The following NUCB1 variants were observed in gnomAD, a reference collection of about 807,000 sequenced individuals.
NUCB1 encodes nucleobindin-1.
In NUCB1, 47 loss-of-function variants were observed where a neutral mutation model predicts 61.2. The observed-to-expected ratio is 0.77, with a 90% CI of 0.61 to 0.98. NUCB1 has a LOEUF of 0.98. Among genes scored for constraint, NUCB1 ranks in the 50% least tolerant of loss-of-function variants. The pLI, the probability that NUCB1 is intolerant of heterozygous loss-of-function variation, is 0.00. For missense variants in NUCB1, 583 were observed against 605.3 expected (o/e 0.96, Z 0.39); for synonymous variants, 234 against 243.1 (o/e 0.96, Z 0.35).
Position 48,919,097 on chromosome 19 carries a change from G to A in NUCB1, c.884G>A (p.Arg295His). The A allele has an allele frequency of 6.2e-7, 1 of 1,614,146 alleles. No homozygotes were observed. The highest frequency in any genetic ancestry group is 8.5e-7 in the Non-Finnish European group (1 of 1,180,004). The change falls in exon 9 of 13, where the codon CGC (arginine) becomes CAC (histidine). Residue 295 changes from arginine (R) to histidine (H), a missense_variant. Coordinates refer to ENST00000405315, the MANE Select transcript of NUCB1 (RefSeq NM_006184.6). ...DMREMEEERL[R>H]MREHVMKNVD... ...CGGGAGATGGAGGAGGAGCGACTGC[G>A]CATGCGGGAGCATGTGATGAAGAAT... is the stretch of plus-strand genomic sequence containing the variant.
intron 10 of NUCB1, 24 bp downstream of exon 10, chr19:48,919,310 G>T: frequency 6.4e-7 from 1 of 1,561,228 alleles, no homozygotes; most frequent in Middle Eastern, 1.7e-4. Flanking sequence ...GGATACTCGG[G>T]GTCCTGAACC....
chr19:48,913,215 C>T lies in NUCB1; in HGVS notation c.666+19C>T, dbSNP rs45594137. 2.4e-3 allele frequency: 3,850 copies of T among 1,592,702 alleles called. 14 individuals are homozygous for T. Among genetic ancestry groups the T allele is most frequent in the Middle Eastern group, 6.7e-3 (40 of 5,938 alleles). On this transcript the variant is annotated intron_variant, in intron 6 of 12. Transcript: ENST00000405315. ...CGTGCCTGTGAGGACCCCATTTGTG[C>T]CCATCCACTCCCTACCACATCCAGT... is the stretch of plus-strand genomic sequence containing the variant.
intron 2 of NUCB1, chr19:48,901,240 T>A (rs1175786235): frequency 4.0e-6 from 2 of 505,612 alleles, no homozygotes; most frequent in Non-Finnish European, 3.6e-6. Flanking sequence ...ACCATGTTGC[T>A]AGTTCCCAGT....
intron 6 of NUCB1, 64 bp from the exon 7 acceptor site, chr19:48,913,410 A>G (rs2037502007): frequency 7.0e-7 from 1 of 1,423,972 alleles, no homozygotes; most frequent in Non-Finnish European, 9.9e-7. Context: ...GTAAAGGGAT[A>G]TTTGGTTTTA....
intron 8 of NUCB1, 104 bp from the exon 9 acceptor site, chr19:48,918,926 C>T: frequency 7.3e-7 from 1 of 1,369,278 alleles, no homozygotes; most frequent in Non-Finnish European, 1.0e-6. Context: ...AAAACGGCTC[C>T]CAGGAGTGGT....
intron 7 of NUCB1, among the ~76,000 whole-genome samples, chr19:48,916,385 A>T (rs2037540290): frequency 6.6e-6 from 1 of 152,092 alleles, no homozygotes. Context: ...TGGGAGGCCG[A>T]GGTGGGTGGA....
At chr19:48,920,882 C>T (rs1283676045) in intron 10 of NUCB1, among the ~76,000 whole-genome samples, 1 of 151,390 alleles carries the variant, frequency 6.6e-6, no homozygotes, top group Non-Finnish European at 1.5e-5. Flanking sequence ...GGTCTCGCTC[C>T]GTTGCCCAGG....
At chr19:48,916,646 A>G (rs71352710) in intron 7 of NUCB1, among the ~76,000 whole-genome samples, 30,773 of 149,894 alleles carry the variant, frequency 0.21, 3,400 homozygotes, top group East Asian at 0.49. Context: ...GGCTGGGCTC[A>G]GTGGCTCACG....
chr19:48,914,685 G>A (rs938841143), intron 7 of NUCB1, among the ~76,000 whole-genome samples: 12 of 152,130 alleles, frequency 7.9e-5, no homozygotes, highest in African/African-American at 2.9e-4. Context: ...AGTGGCTCAT[G>A]TCTGTAATCC....
chr19:48,921,126 C>T (rs746036689), intron 10 of NUCB1, 28 bp from the exon 11 acceptor site: 1 of 1,580,534 alleles, frequency 6.3e-7, no homozygotes, highest in South Asian at 1.1e-5. Context: ...GACCTGTGCC[C>T]CTGATGGCCC....
At chr19:48,913,227 C>T in intron 6 of NUCB1, 31 bp downstream of exon 6, 1 of 1,574,594 alleles carries the variant, frequency 6.4e-7, no homozygotes, top group Non-Finnish European at 8.6e-7. Context: ...CATCCACTCC[C>T]TACCACATCC....
At chr19:48,902,816 G>C (rs1040309753) in intron 2 of NUCB1, among the ~76,000 whole-genome samples, 1 of 152,044 alleles carries the variant, frequency 6.6e-6, no homozygotes, top group African/African-American at 2.4e-5. Flanking sequence ...GGAGAAAGCA[G>C]AGCAAGTTGA....
chr19:48,915,438 G>C (rs2037528703), intron 7 of NUCB1, among the ~76,000 whole-genome samples: 1 of 152,124 alleles, frequency 6.6e-6, no homozygotes, highest in Non-Finnish European at 1.5e-5. Context: ...GCGGAAGGCG[G>C]GGGTTGCAAT....
rs1600071499 is a variant in NUCB1, at chr19:48,922,527, G to A, written c.*103G>A. The A allele has an allele frequency of 3.3e-6, 3 of 913,492 alleles. No homozygotes were observed. Among genetic ancestry groups the A allele is most frequent in the African/African-American group, 3.3e-5 (2 of 61,172 alleles). The allele number at this position is 913,492 out of a possible 1,614,324, so 56.6% of individuals were successfully genotyped here. On this transcript the variant is annotated 3_prime_UTR_variant, in exon 13 of 13. Transcript: ENST00000405315. ...CTTCCCTGGGGGCTGGTGTCATGTT[G>A]GGCTCCTGGGGCGGGGGCACGGCCT...
rs779547948 is a variant in NUCB1, at chr19:48,919,239, G to A, written c.955G>A (p.Ala319Thr). Reference sequence around the variant, plus strand: ...CCTCGTGACCCTGGAGGAGTTCCTCGCATCCACTCAGAGGAAGGAGTTTGG... The same window carrying A: ...CCTCGTGACCCTGGAGGAGTTCCTCACATCCACTCAGAGGAAGGAGTTTGG... ...DRLVTLEEFL[A>T]STQRKEFGDT... The change falls in exon 10 of 13, where the codon GCA becomes ACA. Residue 319 changes from alanine (A) to threonine (T), a missense_variant. Ala to Thr is a moderately conservative substitution (Grantham distance 58). Transcript: ENST00000405315. 3.5e-5 allele frequency: 57 copies of A among 1,613,748 alleles called. 1 individual carries two copies. Among genetic ancestry groups the A allele is most frequent in the South Asian group, 3.4e-4 (31 of 91,076 alleles).
intron 4 of NUCB1, among the ~76,000 whole-genome samples, chr19:48,909,754 C>A (rs2037451990): frequency 6.6e-6 from 1 of 151,950 alleles, no homozygotes; most frequent in South Asian, 2.1e-4. Flanking sequence ...GTTGCCCACG[C>A]TGGTCTCGAA....
rs1166228266 is a variant in NUCB1, at chr19:48,905,777, G to C, written c.268G>C (p.Asp90His). Reference sequence around the variant, plus strand: ...GAGCGGGAAGCTGAGCCGAGAGCTGGACTTTGTCAGCCACCACGTCCGCAC... The same window carrying C: ...GAGCGGGAAGCTGAGCCGAGAGCTGCACTTTGTCAGCCACCACGTCCGCAC... ...IKSGKLSRELDFVSHHVRTKL... is the reference protein window; with the variant it reads ...IKSGKLSRELHFVSHHVRTKL... The change falls in exon 4 of 13, where the codon GAC (aspartate) becomes CAC (histidine). Residue 90 changes from aspartate (D) to histidine (H), a missense_variant. Coordinates refer to ENST00000405315, the MANE Select transcript of NUCB1 (RefSeq NM_006184.6). The C allele has an allele frequency of 6.2e-7, 1 of 1,614,100 alleles. No individual in the cohort carries two copies. The highest frequency in any genetic ancestry group is 1.6e-4 in the Middle Eastern group (1 of 6,062).
At chr19:48,919,315 T>C (rs1220253221) in intron 10 of NUCB1, 29 bp downstream of exon 10, 5 of 1,526,924 alleles carry the variant, frequency 3.3e-6, no homozygotes, top group Non-Finnish European at 4.5e-6. Context: ...CTCGGGGTCC[T>C]GAACCTCTCT....
At chr19:48,907,768 C>T (rs1008904808) in intron 4 of NUCB1, among the ~76,000 whole-genome samples, 2 of 152,222 alleles carry the variant, frequency 1.3e-5, no homozygotes, top group African/African-American at 2.4e-5. Flanking sequence ...CCCTCAGGCC[C>T]GCATTCATGT....
Sources: gnomAD v4.1 joint callset for allele counts (sites outside exome capture counted in the v4.1 genomes callset) on GRCh38, gnomAD v4.1.1 for gene constraint, MANE v1.5 for transcripts, NCBI Gene and HGNC (gene_info 2026-07-23, HGNC 2026-07-21) for gene names.